Variants in SLC1A7 observed in about 807,000 individuals in gnomAD.
SLC1A7 encodes the protein excitatory amino acid transporter 5.
SLC1A7 carries 40 observed loss-of-function variants against 47.7 expected under a neutral mutation model. The ratio of observed to expected loss-of-function variants is 0.84; its 90% CI spans 0.65 to 1.09. SLC1A7 has a LOEUF of 1.09. Among genes scored for constraint, SLC1A7 ranks in the 50% least tolerant of loss-of-function variants. The pLI is 0.00. For synonymous variants in SLC1A7, 323 were observed against 325.6 expected (o/e 0.99, Z 0.09); for missense variants, 746 against 769.5 (o/e 0.97, Z 0.36).
chr1:53,142,533 C>A lies in SLC1A7; in HGVS notation c.-84G>T. The A allele has an allele frequency of 6.9e-7, 1 of 1,453,574 alleles. No homozygotes were observed. Among genetic ancestry groups the A allele is most frequent in the Non-Finnish European group, 9.2e-7 (1 of 1,084,592 alleles). The allele number at this position is 1,453,574 out of a possible 1,614,324, so 90.0% of individuals were successfully genotyped here. On this transcript the variant is annotated 5_prime_UTR_variant, in exon 1 of 11. Coordinates refer to ENST00000371494, the MANE Select transcript of SLC1A7 (RefSeq NM_006671.6). ...GGGGGCACAGGGTCTGGGCTGAGGG[C>A]TCTAGCCCCTCAGCAGGCAGGTGGT...
At chr1:53,092,456 T>G in intron 7 of SLC1A7, 98 bp downstream of exon 7, 117 of 861,340 alleles carry the variant, frequency 1.4e-4, no homozygotes, top group East Asian at 1.1e-4. Context: ...ACACTGGCGT[T>G]TTGGTGGTTC....
At chr1:53,101,863 G>A (rs928952533) in intron 5 of SLC1A7, among the ~76,000 whole-genome samples, 1 of 148,124 alleles carries the variant, frequency 6.8e-6, no homozygotes, top group African/African-American at 2.5e-5. Context: ...CGCCCGCCTC[G>A]GTACACTCAC....
Position 53,092,654 on chromosome 1 carries a change from T to G in SLC1A7, c.931A>C (p.Ile311Leu), listed in dbSNP as rs925138271. The G allele has an allele frequency of 1.2e-6, 2 of 1,613,872 alleles. No homozygotes were observed. The highest frequency in any genetic ancestry group is 2.7e-5 in the African/African-American group (2 of 74,836). ...VCGLVLHGLF[I>L]LPLLYFFITK... ...ATGAAGAAGTAGAGCAGGGGCAGGA[T>G]AAAGAGCCCGTGGAGCACCAGCCCG... is the stretch of plus-strand genomic sequence containing the variant. The change falls in exon 7 of 11, where the codon ATC becomes CTC. Residue 311 changes from isoleucine (I) to leucine (L), a missense_variant. Ile to Leu is a conservative substitution (Grantham distance 5). Coordinates refer to ENST00000371494, the MANE Select transcript of SLC1A7 (RefSeq NM_006671.6).
chr1:53,136,263 G>A (rs1042862935), intron 1 of SLC1A7, among the ~76,000 whole-genome samples: 4 of 147,334 alleles, frequency 2.7e-5, no homozygotes, highest in South Asian at 4.2e-4. Flanking sequence ...GTGCCATCTC[G>A]GCTCACTGCA....
At chr1:53,141,006 G>A (rs74626580) in intron 1 of SLC1A7, among the ~76,000 whole-genome samples, 4,496 of 152,244 alleles carry the variant, frequency 0.03, 236 homozygotes, top group African/African-American at 0.1. Flanking sequence ...TGAGCTGCGG[G>A]AAGAGGACTT....
intron 3 of SLC1A7, among the ~76,000 whole-genome samples, chr1:53,106,148 G>A (rs1041752919): frequency 1.3e-5 from 2 of 151,196 alleles, no homozygotes; most frequent in African/African-American, 2.4e-5. Flanking sequence ...CTGCTGCTCC[G>A]CCACACCACC....
At chr1:53,102,460 C>T (rs1017183473) in intron 5 of SLC1A7, 1 of 152,482 alleles carries the variant, frequency 6.6e-6, no homozygotes, top group Admixed American at 6.5e-5. Context: ...GGAGGACTCT[C>T]CTGAGGGCAT....
At position 53,088,182 on chromosome 1, in the gene SLC1A7, C is replaced by T. The variant is rs150697605; in HGVS notation, c.1510G>A (p.Val504Met). The change falls in exon 11 of 11, where the codon GTG (valine) becomes ATG (methionine). Residue 504 changes from valine to methionine, a missense_variant. By Grantham distance (21) the Val-to-Met change is conservative. Coordinates refer to ENST00000371494, the MANE Select transcript of SLC1A7 (RefSeq NM_006671.6). ...ETKPVSLQEI[V>M]AAQQNGCVKS... ...ACACAGCCATTCTGCTGGGCTGCCACGATCTCCTGGAGGCTCACTGGCTTG... is the reference window on the plus strand; with the variant it reads ...ACACAGCCATTCTGCTGGGCTGCCATGATCTCCTGGAGGCTCACTGGCTTG... 347 of 1,613,398 alleles carry T rather than the reference C, an allele frequency of 2.2e-4. 1 individual carries two copies. In the South Asian group the frequency reaches 3.2e-3, roughly 15 times the overall value.
chr1:53,115,863 T>G (rs908114688), intron 2 of SLC1A7: 3 of 151,834 alleles, frequency 2.0e-5, no homozygotes, highest in African/African-American at 7.3e-5. Context: ...CCCAGAGTAC[T>G]GGCGTCCTGG....
At chr1:53,133,786 C>T (rs559515724) in intron 2 of SLC1A7, among the ~76,000 whole-genome samples, 3 of 152,288 alleles carry the variant, frequency 2.0e-5, no homozygotes, top group Non-Finnish European at 4.4e-5. Context: ...CAAGAGCTCA[C>T]CGTCCAAATT....
chr1:53,101,257 ACACAC>A (rs1644575136), intron 5 of SLC1A7, among the ~76,000 whole-genome samples: 1 of 141,232 alleles, frequency 7.1e-6, no homozygotes, highest in African/African-American at 2.7e-5. Context: ...CGGTACACTC[ACACAC>A]CCCACCTCGG....
intron 8 of SLC1A7, 119 bp downstream of exon 8, chr1:53,090,493 C>T: frequency 1.4e-6 from 2 of 1,412,914 alleles, no homozygotes; most frequent in Non-Finnish European, 1.9e-6. Context: ...TGGCCCTCTG[C>T]CTGCTGTGCT....
Position 53,096,100 on chromosome 1 carries a change from C to G in SLC1A7, c.698-2540G>C, listed in dbSNP as rs148436485. On this transcript the variant is annotated intron_variant, in intron 5 of 10. Transcript: ENST00000371494. ...ACTGCCTTGGTATGCTCACACCCCC[C>G]CACCTCATTACACTCACACACCCCA... Among the ~76,000 whole-genome samples, 397 of 148,396 alleles carry G rather than the reference C, an allele frequency of 2.7e-3. 1 individual carries two copies. The highest frequency in any genetic ancestry group is 9.0e-3 in the African/African-American group (362 of 40,144).
intron 2 of SLC1A7, among the ~76,000 whole-genome samples, chr1:53,127,038 GTTTTTTT>G (rs61456544): frequency 1.0e-5 from 1 of 97,564 alleles, no homozygotes; most frequent in Non-Finnish European, 1.9e-5. Flanking sequence ...AATTTTAAAA[GTTTTTTT>G]TTTTTTTTTT....
rs573038458 is a variant in SLC1A7, at chr1:53,106,474, G to T, written c.432-700C>A. Among the ~76,000 whole-genome samples, 22 of 151,910 alleles carry T rather than the reference G, an allele frequency of 1.4e-4. No individual in the cohort carries two copies. The South Asian group carries it at 2.9e-3, about 20-fold the overall frequency. ...AAAAAATTAGCTGGGCACGGTGGCGGGTGCCTGTAGTCCCAGCTACTCAGG... is the reference window on the plus strand; with the variant it reads ...AAAAAATTAGCTGGGCACGGTGGCGTGTGCCTGTAGTCCCAGCTACTCAGG... On this transcript the variant is annotated intron_variant, in intron 3 of 10. Coordinates refer to ENST00000371494, the MANE Select transcript of SLC1A7 (RefSeq NM_006671.6).
intron 9 of SLC1A7, 68 bp downstream of exon 9, chr1:53,089,732 C>G: frequency 2.6e-6 from 4 of 1,556,002 alleles, no homozygotes; most frequent in African/African-American, 1.4e-5. Context: ...AGCCGCTCAC[C>G]CTGATCCCTG....
chr1:53,096,284 C>A (rs890713075), intron 5 of SLC1A7, among the ~76,000 whole-genome samples: 2 of 147,876 alleles, frequency 1.4e-5, no homozygotes, highest in Non-Finnish European at 3.0e-5. Context: ...CACACCGACT[C>A]GGTACACTCA....
At chr1:53,101,507 C>A (rs565277536) in intron 5 of SLC1A7, among the ~76,000 whole-genome samples, 23 of 151,490 alleles carry the variant, frequency 1.5e-4, no homozygotes, top group African/African-American at 5.6e-4. Context: ...CACTCACACA[C>A]CCTGCCTCAG....
At chr1:53,129,604 G>GCTCTTCC (rs1553164898) in intron 2 of SLC1A7, among the ~76,000 whole-genome samples, 770 of 135,908 alleles carry the variant, frequency 5.7e-3, no homozygotes, top group Middle Eastern at 0.017. Context: ...CCAGATTATG[G>GCTCTTCC]GAAGAGTGAC....
Sources: gnomAD v4.1 joint callset for allele counts (sites outside exome capture counted in the v4.1 genomes callset) on GRCh38, gnomAD v4.1.1 for gene constraint, MANE v1.5 for transcripts, NCBI Gene and HGNC (gene_info 2026-07-23, HGNC 2026-07-21) for gene names.